Variants in PPM1E observed in about 807,000 individuals in gnomAD.
PPM1E encodes the protein protein phosphatase 1E.
A neutral mutation model predicts 65.9 loss-of-function variants in PPM1E; 20 were observed. The observed-to-expected ratio is 0.30, with a 90% confidence interval of 0.21 to 0.44. The LOEUF is 0.44. Ranked by LOEUF, PPM1E falls within the 20% of genes least tolerant of loss-of-function variation. The probability of loss-of-function intolerance (pLI) is 1.00; values close to 1 mark genes in which losing one functional copy is unlikely to be tolerated. For missense variants in PPM1E, 713 were observed against 953.1 expected, an observed-to-expected ratio of 0.75 and a Z score of 3.32; for synonymous variants, 352 against 374.9, an observed-to-expected ratio of 0.94 and a Z score of 0.70.
intron 1 of PPM1E, among the ~76,000 whole-genome samples, chr17:58,911,266 G>T (rs2051624638): frequency 6.6e-6 from 1 of 152,152 alleles, no homozygotes; most frequent in Non-Finnish European, 1.5e-5. Context: ...TTGTTGTTAG[G>T]TTGGAGTGGC....
intron 1 of PPM1E, among the ~76,000 whole-genome samples, chr17:58,854,449 G>T (rs976971213): frequency 6.6e-6 from 1 of 152,112 alleles, no homozygotes; most frequent in Non-Finnish European, 1.5e-5. Flanking sequence ...GCACTCTGTA[G>T]AATAGAAGTA....
chr17:58,903,408 C>T (rs767827840), intron 1 of PPM1E, among the ~76,000 whole-genome samples: 2 of 152,162 alleles, frequency 1.3e-5, no homozygotes, highest in African/African-American at 2.4e-5. Context: ...TCCCAGTCTC[C>T]CTTACAGTTC....
chr17:58,859,735 A>G (rs1336161419), intron 1 of PPM1E, among the ~76,000 whole-genome samples: 1 of 152,270 alleles, frequency 6.6e-6, no homozygotes, highest in East Asian at 1.9e-4. Flanking sequence ...AGACAAAAAC[A>G]GGACAAAACA....
intron 1 of PPM1E, among the ~76,000 whole-genome samples, chr17:58,924,971 C>T (rs1463285115): frequency 6.6e-6 from 1 of 152,004 alleles, no homozygotes; most frequent in African/African-American, 2.4e-5. Flanking sequence ...TTCATTTAGT[C>T]TATCATTTTG....
intron 1 of PPM1E, among the ~76,000 whole-genome samples, chr17:58,832,600 G>A (rs539692827): frequency 4.6e-5 from 7 of 152,014 alleles, no homozygotes; most frequent in South Asian, 2.1e-4. Flanking sequence ...GCATAATAAC[G>A]TAACATGAAA....
chr17:58,855,746 A>G (rs139513313), intron 1 of PPM1E, among the ~76,000 whole-genome samples: 1 of 152,314 alleles, frequency 6.6e-6, no homozygotes, highest in Admixed American at 6.5e-5. Flanking sequence ...CATAATAGTA[A>G]CAAACCATCC....
chr17:58,845,289 G>A (rs1444291082), intron 1 of PPM1E, among the ~76,000 whole-genome samples: 3 of 148,502 alleles, frequency 2.0e-5, no homozygotes, highest in African/African-American at 4.9e-5. Context: ...CTGTTCATGG[G>A]TCATGGTTGG....
At chr17:58,858,583 TG>T (rs1426175914) in intron 1 of PPM1E, among the ~76,000 whole-genome samples, 2 of 152,202 alleles carry the variant, frequency 1.3e-5, no homozygotes, top group African/African-American at 4.8e-5. Flanking sequence ...TTTCTGTTCC[TG>T]GCTTACTTCA....
At chr17:58,843,678 A>G (rs1223540533) in intron 1 of PPM1E, among the ~76,000 whole-genome samples, 1 of 151,992 alleles carries the variant, frequency 6.6e-6, no homozygotes, top group East Asian at 1.9e-4. Flanking sequence ...TATGTATGCA[A>G]AAATTAGCTG....
intron 1 of PPM1E, among the ~76,000 whole-genome samples, chr17:58,940,020 C>G (rs1005023270): frequency 1.3e-5 from 2 of 152,150 alleles, no homozygotes; most frequent in African/African-American, 4.8e-5. Flanking sequence ...GCAGTGTTCT[C>G]AACACAATGA....
intron 1 of PPM1E, among the ~76,000 whole-genome samples, chr17:58,766,703 CTAATA>C (rs1209659128): frequency 6.6e-6 from 1 of 151,940 alleles, no homozygotes; most frequent in Non-Finnish European, 1.5e-5. Context: ...TTTATGCAAT[CTAATA>C]TGTTATTACA....
chr17:58,879,732 A>G (rs2051170932), intron 1 of PPM1E, among the ~76,000 whole-genome samples: 1 of 151,730 alleles, frequency 6.6e-6, no homozygotes, highest in Non-Finnish European at 1.5e-5. Flanking sequence ...GATGGTCTCA[A>G]TCTCCTGACC....
At chr17:58,934,499 T>C (rs1598659450) in intron 1 of PPM1E, among the ~76,000 whole-genome samples, 1 of 152,142 alleles carries the variant, frequency 6.6e-6, no homozygotes, top group South Asian at 2.1e-4. Context: ...ATCAGAAAAA[T>C]AGTAGTTTAC....
intron 1 of PPM1E, among the ~76,000 whole-genome samples, chr17:58,849,076 A>G (rs998125251): frequency 5.3e-5 from 8 of 152,252 alleles, no homozygotes; most frequent in Admixed American, 3.3e-4. Context: ...TGTTTATAGT[A>G]TTCTCTGATG....
intron 1 of PPM1E, among the ~76,000 whole-genome samples, chr17:58,757,455 T>C (rs2049780228): frequency 6.6e-6 from 1 of 152,204 alleles, no homozygotes. Flanking sequence ...CAGAGGAGAA[T>C]ACTAGTAAGT....
At chr17:58,849,522 A>G (rs1253653109) in intron 1 of PPM1E, among the ~76,000 whole-genome samples, 2 of 152,050 alleles carry the variant, frequency 1.3e-5, no homozygotes, top group Non-Finnish European at 2.9e-5. Flanking sequence ...CCTTCATTTC[A>G]TTATGTACCC....
intron 1 of PPM1E, among the ~76,000 whole-genome samples, chr17:58,873,577 T>G (rs1368681102): frequency 8.7e-5 from 5 of 57,620 alleles, no homozygotes; most frequent in African/African-American, 3.0e-4. Flanking sequence ...ATTATTATTA[T>G]TATTATTATT....
At chr17:58,883,622 T>C (rs1318912882) in intron 1 of PPM1E, among the ~76,000 whole-genome samples, 2 of 151,272 alleles carry the variant, frequency 1.3e-5, no homozygotes, top group African/African-American at 4.9e-5. Context: ...TAGCTGGGAC[T>C]ACAGGCGCCC....
At chr17:58,854,588 A>G (rs539203855) in intron 1 of PPM1E, among the ~76,000 whole-genome samples, 3 of 151,962 alleles carry the variant, frequency 2.0e-5, no homozygotes, top group Non-Finnish European at 4.4e-5. Flanking sequence ...GTTTCCTTCT[A>G]TTCTTAGTTT....
Sources: allele counts gnomAD v4.1 joint callset (sites outside exome capture counted in the v4.1 genomes callset), GRCh38; gene constraint gnomAD v4.1.1; transcripts MANE v1.5; gene names NCBI Gene and HGNC (gene_info 2026-07-23, HGNC 2026-07-21).